The following GRIN2B variants were observed in gnomAD, a reference collection of about 807,000 sequenced individuals.
GRIN2B encodes the protein glutamate ionotropic receptor NMDA type subunit 2B.
In GRIN2B, 5 loss-of-function variants were observed where a neutral mutation model predicts 114.5. That is an observed-to-expected ratio of 0.04 (90% CI 0.02 to 0.09). The LOEUF is 0.09. Ranked by LOEUF, GRIN2B falls within the 10% of genes least tolerant of loss-of-function variation. The pLI is 1.00. For synonymous variants in GRIN2B, 787 were observed against 745.1 expected, an observed-to-expected ratio of 1.06 and a Z score of -0.92; for missense variants, 1,108 against 1,943.5, an observed-to-expected ratio of 0.57 and a Z score of 8.08.
intron 3 of GRIN2B, among the ~76,000 whole-genome samples, chr12:13,851,637 T>C (rs1865567696): frequency 6.6e-6 from 1 of 152,184 alleles, no homozygotes; most frequent in Admixed American, 6.5e-5. Context: ...GATTTCAAAG[T>C]CAACCACTAC....
chr12:13,742,201 C>G (rs1863299411), intron 4 of GRIN2B, among the ~76,000 whole-genome samples: 1 of 152,118 alleles, frequency 6.6e-6, no homozygotes, highest in African/African-American at 2.4e-5. Context: ...GACATTTCTC[C>G]CCAAATGGTG....
At chr12:13,692,760 C>CTTTTTTTTTTTTTTTTTTTTTTTTT (rs71067718) in intron 4 of GRIN2B, among the ~76,000 whole-genome samples, 1 of 52,128 alleles carries the variant, frequency 1.9e-5, no homozygotes, top group African/African-American at 9.5e-5. Context: ...TCTTTCTTTT[C>CTTTTTTTTTTTTTTTTTTTTTTTTT]TTTTTTTTTT....
chr12:13,855,988 A>T (rs1244779198), intron 3 of GRIN2B, among the ~76,000 whole-genome samples: 1 of 152,230 alleles, frequency 6.6e-6, no homozygotes, highest in East Asian at 1.9e-4. Context: ...CCTACTCTAC[A>T]GCAAGAGAGA....
chr12:13,898,411 G>A (rs542519582), intron 2 of GRIN2B, among the ~76,000 whole-genome samples: 1 of 152,312 alleles, frequency 6.6e-6, no homozygotes, highest in South Asian at 2.1e-4. Flanking sequence ...CTAATAAATG[G>A]CAGAGTAAGG....
chr12:13,554,763 TAGG>T lies in GRIN2B; in HGVS notation c.*8017_*8019del, dbSNP rs1440162153. 1 of 152,038 alleles carries T rather than the reference TAGG, an allele frequency of 6.6e-6. No individual in the cohort carries two copies. Among genetic ancestry groups the T allele is most frequent in the Non-Finnish European group, 1.5e-5 (1 of 67,984 alleles). The allele number at this position is 152,038 out of a possible 1,614,324, so 9.4% of individuals were successfully genotyped here. A position where few individuals can be genotyped will look rare whatever the true frequency, so the allele number is the denominator to read the frequency against. On this transcript the variant is annotated 3_prime_UTR_variant, in exon 14 of 14. Coordinates refer to ENST00000609686, the MANE Select transcript of GRIN2B (RefSeq NM_000834.5). ...AATGAAAAGGAAAGACTGGAAACCT[TAGG>T]GGGAAGAATTAGTAGGCTTTTCAAA...
chr12:13,679,994 T>C (rs1354219260), intron 4 of GRIN2B, among the ~76,000 whole-genome samples: 1 of 152,146 alleles, frequency 6.6e-6, no homozygotes, highest in Non-Finnish European at 1.5e-5. Context: ...AAAAAGAATA[T>C]ATTAGCATAA....
At chr12:13,721,283 G>T (rs1950506026) in intron 4 of GRIN2B, among the ~76,000 whole-genome samples, 2 of 151,950 alleles carry the variant, frequency 1.3e-5, no homozygotes, top group African/African-American at 4.8e-5. Flanking sequence ...AGGCAGGGAA[G>T]GTGTTGGATT....
Position 13,561,389 on chromosome 12 carries a change from C to T in GRIN2B, c.*1394G>A, listed in dbSNP as rs1215967451. ...AGTCTCTTCCCCTCTTTTCGTACCT[C>T]CAGAGCTGCACTCATGGAGTGCAGC... On this transcript the variant is annotated 3_prime_UTR_variant, in exon 14 of 14. Transcript: ENST00000609686. 1 of 152,470 alleles carries T rather than the reference C, an allele frequency of 6.6e-6. No individual in the cohort carries two copies. Among genetic ancestry groups the T allele is most frequent in the Non-Finnish European group, 1.5e-5 (1 of 68,050 alleles). The allele number at this position is 152,470 out of a possible 1,614,324, so 9.4% of individuals were successfully genotyped here.
chr12:13,745,958 G>A (rs529293723), intron 4 of GRIN2B, among the ~76,000 whole-genome samples: 3 of 150,872 alleles, frequency 2.0e-5, no homozygotes, highest in African/African-American at 7.2e-5. Flanking sequence ...GCACTGTGCT[G>A]AGAATACAAA....
At chr12:13,702,610 T>C (rs1473990968) in intron 4 of GRIN2B, among the ~76,000 whole-genome samples, 3 of 152,090 alleles carry the variant, frequency 2.0e-5, no homozygotes, top group African/African-American at 4.8e-5. Flanking sequence ...GGGGGGTCCA[T>C]ACACAATTAG....
intron 4 of GRIN2B, among the ~76,000 whole-genome samples, chr12:13,681,967 T>C (rs1185987929): frequency 1.3e-5 from 2 of 152,156 alleles, no homozygotes; most frequent in South Asian, 2.1e-4. Context: ...CTAGAAATAG[T>C]AGAAACAATT....
intron 5 of GRIN2B, among the ~76,000 whole-genome samples, chr12:13,641,306 C>T (rs1949713150): frequency 6.6e-6 from 1 of 152,064 alleles, no homozygotes; most frequent in Non-Finnish European, 1.5e-5. Flanking sequence ...CTCCTGACCT[C>T]AAGTGATCCT....
intron 2 of GRIN2B, among the ~76,000 whole-genome samples, chr12:13,945,728 G>A (rs1320986659): frequency 6.6e-6 from 1 of 152,142 alleles, no homozygotes; most frequent in Non-Finnish European, 1.5e-5. Flanking sequence ...ACTAAAGCAG[G>A]TCAGTCTAAC....
intron 2 of GRIN2B, among the ~76,000 whole-genome samples, chr12:13,962,932 C>G (rs944436275): frequency 3.3e-5 from 5 of 152,222 alleles, no homozygotes; most frequent in African/African-American, 1.2e-4. Context: ...CCCTCTGTCT[C>G]CCCCTGGCTG....
At chr12:13,567,945 T>C (rs571293152) in intron 12 of GRIN2B, among the ~76,000 whole-genome samples, 110 of 152,020 alleles carry the variant, frequency 7.2e-4, no homozygotes, top group Non-Finnish European at 1.1e-3. Flanking sequence ...TTCAGAAAAT[T>C]GCCCTTAAAA....
chr12:13,814,418 A>G (rs147977114), intron 3 of GRIN2B, among the ~76,000 whole-genome samples: 36 of 152,314 alleles, frequency 2.4e-4, no homozygotes, highest in African/African-American at 8.7e-4. Flanking sequence ...CTTATTTTAT[A>G]TGTTTTAGGA....
At position 13,753,275 on chromosome 12, in the gene GRIN2B, C is replaced by T. The variant is rs766604153; in HGVS notation, c.1010+42G>A. The T allele has an allele frequency of 3.5e-6, 4 of 1,148,518 alleles. No individual in the cohort carries two copies. In the Admixed American group the frequency reaches 6.7e-5, roughly 19 times the overall value. The allele number at this position is 1,148,518 out of a possible 1,614,324, so 71.1% of individuals were successfully genotyped here. A position where few individuals can be genotyped will look rare whatever the true frequency, so the allele number is the denominator to read the frequency against. ...TCCAACCCCAGTCTTTGAAGCTCCCCTCTCATCTCCACCATCAATGTGCCC... is the reference window on the plus strand; with the variant it reads ...TCCAACCCCAGTCTTTGAAGCTCCCTTCTCATCTCCACCATCAATGTGCCC... On this transcript the variant is annotated intron_variant, in intron 4 of 13. Coordinates refer to ENST00000609686, the MANE Select transcript of GRIN2B (RefSeq NM_000834.5). This position sits in a 1 kb window ranked among gnomAD's most constrained non-coding sequence, Gnocchi z 6.2.
intron 3 of GRIN2B, among the ~76,000 whole-genome samples, chr12:13,820,311 CA>C (rs1423418368): frequency 1.3e-5 from 2 of 152,190 alleles, no homozygotes; most frequent in African/African-American, 2.4e-5. Flanking sequence ...CTCTGGTCTA[CA>C]GTACAGTGGA....
chr12:13,816,168 T>A (rs1864819648), intron 3 of GRIN2B, among the ~76,000 whole-genome samples: 1 of 152,138 alleles, frequency 6.6e-6, no homozygotes, highest in Admixed American at 6.6e-5. Context: ...CGTGGCTAGA[T>A]ATTAGAGATG....
Sources: allele counts gnomAD v4.1 joint callset (sites outside exome capture counted in the v4.1 genomes callset), GRCh38; gene constraint gnomAD v4.1.1; non-coding constraint Gnocchi (gnomAD v3.1); transcripts MANE v1.5; gene names NCBI Gene and HGNC (gene_info 2026-07-23, HGNC 2026-07-21).